Variants in VPS26C observed in about 807,000 individuals in gnomAD.
The protein encoded by VPS26C is vacuolar protein sorting-associated protein 26C.
In VPS26C, 19 loss-of-function variants were observed where a neutral mutation model predicts 30.6. The ratio of observed to expected loss-of-function variants is 0.62; its 90% CI spans 0.43 to 0.91. The LOEUF is 0.91. Ranked by LOEUF, VPS26C falls within the 40% of genes least tolerant of loss-of-function variation. The pLI, the probability that VPS26C is intolerant of heterozygous loss-of-function variation, is 0.00. For missense variants in VPS26C, 318 were observed against 385.1 expected, an observed-to-expected ratio of 0.83 and a Z score of 1.46; for synonymous variants, 132 against 151.5, an observed-to-expected ratio of 0.87 and a Z score of 0.95.
chr21:37,240,125 A>G (rs1456187816), intron 2 of VPS26C, among the ~76,000 whole-genome samples: 4 of 152,104 alleles, frequency 2.6e-5, no homozygotes, highest in Admixed American at 1.3e-4. Context: ...CACCATAAAC[A>G]TGTCTTTTTT....
At chr21:37,238,632 T>G (rs1602270668) in intron 2 of VPS26C, 23 bp from the exon 3 acceptor site, 2 of 1,612,732 alleles carry the variant, frequency 1.2e-6, no homozygotes, top group East Asian at 2.2e-5. Context: ...ATCAGTTCAG[T>G]CCATCAGCAC....
chr21:37,227,775 C>T lies in VPS26C; in HGVS notation c.690G>A (p.Thr230=), dbSNP rs140631258. ...CGGCGATCTGAATGTTCTGAATCTCCGTGGCGTCGCGGGCATAGCCTTCTG... is the reference window on the plus strand; with the variant it reads ...CGGCGATCTGAATGTTCTGAATCTCTGTGGCGTCGCGGGCATAGCCTTCTG... ...GCAEGYARDA[T]EIQNIQIADG... is the part of the protein sequence containing the mutation. Residue 230 remains threonine (T), a synonymous_variant, in exon 7 of 8, where the codon ACG becomes ACA. Coordinates refer to ENST00000309117, the MANE Select transcript of VPS26C (RefSeq NM_006052.2). 91 of 1,614,112 alleles carry T rather than the reference C, an allele frequency of 5.6e-5. No homozygotes were observed. Among genetic ancestry groups the T allele is most frequent in the Admixed American group, 8.3e-5 (5 of 60,020 alleles).
chr21:37,254,442 A>T (rs572107863), intron 1 of VPS26C, among the ~76,000 whole-genome samples: 3 of 152,230 alleles, frequency 2.0e-5, no homozygotes, highest in African/African-American at 7.2e-5. Context: ...GGCTGCAGTG[A>T]GCTATGATTG....
intron 3 of VPS26C, among the ~76,000 whole-genome samples, chr21:37,236,806 A>G (rs2086029525): frequency 6.6e-6 from 1 of 152,226 alleles, no homozygotes; most frequent in Non-Finnish European, 1.5e-5. Context: ...TCAAATGGTA[A>G]AATCTGATGA....
At chr21:37,234,850 T>C (rs2086003184) in intron 3 of VPS26C, among the ~76,000 whole-genome samples, 1 of 152,114 alleles carries the variant, frequency 6.6e-6, no homozygotes, top group African/African-American at 2.4e-5. Context: ...TATATTCTTT[T>C]TTTGTTTTTT....
rs1233727534 is a variant in VPS26C at position 37,230,879 on chromosome 21, G to C, written c.507+1498C>G. 4 of 152,540 alleles carry C rather than the reference G, an allele frequency of 2.6e-5. No homozygotes were observed. The East Asian group carries it at 7.7e-4, about 29-fold the overall frequency. The allele number at this position is 152,540 out of a possible 1,614,324, so 9.4% of individuals were successfully genotyped here. A position where few individuals can be genotyped will look rare whatever the true frequency, so the allele number is the denominator to read the frequency against. ...TCACCAGATGGGGGAAGCTGCCACAGACTGGCACCACAGCTTCCTGCAAAG... is the reference window on the plus strand; with the variant it reads ...TCACCAGATGGGGGAAGCTGCCACACACTGGCACCACAGCTTCCTGCAAAG... On this transcript the variant is annotated intron_variant, in intron 5 of 7. Coordinates refer to ENST00000309117, the MANE Select transcript of VPS26C (RefSeq NM_006052.2).
Position 37,232,113 on chromosome 21 carries a change from T to G in VPS26C, c.507+264A>C, listed in dbSNP as rs953663453. 57 of 453,514 alleles carry G rather than the reference T, an allele frequency of 1.3e-4. No homozygotes were observed. The South Asian group carries it at 2.0e-3, about 16-fold the overall frequency. The allele number at this position is 453,514 out of a possible 1,614,324, so 28.1% of individuals were successfully genotyped here. A position where few individuals can be genotyped will look rare whatever the true frequency, so the allele number is the denominator to read the frequency against. On this transcript the variant is annotated intron_variant, in intron 5 of 7. Coordinates refer to ENST00000309117, the MANE Select transcript of VPS26C (RefSeq NM_006052.2). ...AGCAGGGGGTCTTGGGGGCCCATGATGCAGTAAAACTGAGGGAAAATGGTG... is the reference window on the plus strand; with the variant it reads ...AGCAGGGGGTCTTGGGGGCCCATGAGGCAGTAAAACTGAGGGAAAATGGTG...
intron 7 of VPS26C, chr21:37,225,845 T>A: frequency 1.7e-6 from 1 of 577,016 alleles, no homozygotes. Context: ...TTTCTCTAAG[T>A]GAATTTTTGT....
chr21:37,267,446 G>T, upstream of VPS26C: 1 of 572,128 alleles, frequency 1.7e-6, no homozygotes, highest in Non-Finnish European at 2.9e-6. Context: ...ACACTCCCTA[G>T]CTCCGAGGGG....
At chr21:37,255,879 A>T (rs1246103595) in intron 1 of VPS26C, among the ~76,000 whole-genome samples, 1 of 49,612 alleles carries the variant, frequency 2.0e-5, no homozygotes, top group African/African-American at 1.5e-4. Context: ...TTTTAGATAG[A>T]GGCTGGAGTG....
At chr21:37,266,891 C>T in intron 1 of VPS26C, 1 of 391,152 alleles carries the variant, frequency 2.6e-6, no homozygotes, top group Non-Finnish European at 4.6e-6. Context: ...AACTCCTCCG[C>T]CCTCAGCGCT....
At position 37,225,385 on chromosome 21, in the gene VPS26C, A is replaced by G. The variant is rs1431343065; in HGVS notation, c.*159T>C. Reference sequence around the variant, plus strand: ...CCTGTTGGAAGCAGAAGCCTCAAGAAATGAGGAAGGAAAGTTAATTTGAGG... The same window carrying G: ...CCTGTTGGAAGCAGAAGCCTCAAGAGATGAGGAAGGAAAGTTAATTTGAGG... On this transcript the variant is annotated 3_prime_UTR_variant, in exon 8 of 8. Transcript: ENST00000309117. 6.2e-6 allele frequency: 4 copies of G among 648,734 alleles called. No homozygotes were observed. The highest frequency in any genetic ancestry group is 8.2e-6 in the Non-Finnish European group (3 of 365,388). 40.2% of individuals were successfully genotyped at this position (648,734 alleles called of 1,614,324 possible). A position where few individuals can be genotyped will look rare whatever the true frequency, so the allele number is the denominator to read the frequency against.
chr21:37,256,786 C>G (rs571572975), intron 1 of VPS26C, among the ~76,000 whole-genome samples: 6 of 152,320 alleles, frequency 3.9e-5, no homozygotes, highest in African/African-American at 1.4e-4. Flanking sequence ...AAAATTACAT[C>G]TTTACATATT....
chr21:37,232,476 T>C (rs2085976083), intron 4 of VPS26C, 25 bp from the exon 5 acceptor site: 1 of 1,599,578 alleles, frequency 6.3e-7, no homozygotes, highest in East Asian at 2.2e-5. Flanking sequence ...GAAACCGAAA[T>C]CAGTAGGTGA....
In VPS26C at chr21:37,233,310, C is replaced by T. The variant is rs1357224701; in HGVS notation, c.432+52G>A. 6.8e-7 allele frequency: 1 copy of T among 1,480,694 alleles called. No individual in the cohort carries two copies. The highest frequency in any genetic ancestry group is 1.7e-4 in the Middle Eastern group (1 of 5,818). 91.7% of individuals were successfully genotyped at this position (1,480,694 alleles called of 1,614,324 possible). A position where few individuals can be genotyped will look rare whatever the true frequency, so the allele number is the denominator to read the frequency against. On this transcript the variant is annotated intron_variant, in intron 4 of 7. Coordinates refer to ENST00000309117, the MANE Select transcript of VPS26C (RefSeq NM_006052.2). The surrounding 1 kb of genome is among the most constrained non-coding windows in gnomAD (Gnocchi z 5.2). ...CTTGTAAATAGGGTAAACTCTCAGA[C>T]CCCATGGGAGATTCCTATCATTAAG...
At chr21:37,249,292 T>C (rs2086168575) in intron 1 of VPS26C, among the ~76,000 whole-genome samples, 1 of 152,162 alleles carries the variant, frequency 6.6e-6, no homozygotes, top group African/African-American at 2.4e-5. Flanking sequence ...AATGAGTGTA[T>C]ACCTGAAGAA....
chr21:37,244,319 C>T (rs893683041), intron 1 of VPS26C, among the ~76,000 whole-genome samples: 1 of 152,250 alleles, frequency 6.6e-6, no homozygotes, highest in Non-Finnish European at 1.5e-5. Flanking sequence ...CACGCTGCAA[C>T]CTCCGCCTCC....
rs989042986 is a variant in VPS26C at position 37,228,703 on chromosome 21, G to A, written c.508-330C>T. 1.4e-5 allele frequency: 3 copies of A among 217,600 alleles called. No homozygotes were observed. The Admixed American group carries it at 1.6e-4, about 12-fold the overall frequency. 13.5% of individuals were successfully genotyped at this position (217,600 alleles called of 1,614,324 possible). ...TGAAAAAGTCTGAGGGAGTCGCCAT[G>A]GTGTTCAAGACAACCTGACACACAC... is the stretch of plus-strand genomic sequence containing the variant. On this transcript the variant is annotated intron_variant, in intron 5 of 7. Coordinates refer to ENST00000309117, the MANE Select transcript of VPS26C (RefSeq NM_006052.2).
At chr21:37,267,911 C>T (rs544409990), upstream of VPS26C, 2 of 153,462 alleles carry the variant, frequency 1.3e-5, no homozygotes, top group East Asian at 1.9e-4. Flanking sequence ...CGCACCCTGC[C>T]CTTCCCGCGG....
Sources: gnomAD v4.1 joint callset for allele counts (sites outside exome capture counted in the v4.1 genomes callset) on GRCh38, gnomAD v4.1.1 for gene constraint, Gnocchi (gnomAD v3.1) non-coding constraint, MANE v1.5 for transcripts, NCBI Gene and HGNC (gene_info 2026-07-23, HGNC 2026-07-21) for gene names.